PPP6R2: variants seen among roughly 807,000 people sequenced by gnomAD.
PPP6R2 encodes the protein protein phosphatase 6 regulatory subunit 2.
A neutral mutation model predicts 100.2 loss-of-function variants in PPP6R2; 62 were observed. That is an observed-to-expected ratio of 0.62 (90% CI 0.50 to 0.76). PPP6R2 has a LOEUF of 0.76. Among genes scored for constraint, PPP6R2 ranks in the 30% least tolerant of loss-of-function variants. The pLI is 0.00. For synonymous variants in PPP6R2, 525 were observed against 514.7 expected (o/e 1.02, Z -0.27); for missense variants, 1,142 against 1,276.3 (o/e 0.89, Z 1.60).
intron 2 of PPP6R2, among the ~76,000 whole-genome samples, chr22:50,375,905 A>G (rs1336903039): frequency 7.4e-6 from 1 of 135,042 alleles, no homozygotes; most frequent in East Asian, 2.2e-4. Flanking sequence ...CAGTAGCACA[A>G]TCTCGGTTCA....
At chr22:50,367,887 C>T (rs1404323553) in intron 1 of PPP6R2, among the ~76,000 whole-genome samples, 9 of 152,072 alleles carry the variant, frequency 5.9e-5, no homozygotes, top group Non-Finnish European at 1.2e-4. Flanking sequence ...GTAGTGGCCC[C>T]GAATGCCTGG....
At chr22:50,400,988 T>C (rs562676206) in intron 3 of PPP6R2, among the ~76,000 whole-genome samples, 62 of 152,346 alleles carry the variant, frequency 4.1e-4, no homozygotes, top group African/African-American at 1.4e-3. Context: ...ACTTTGCCTT[T>C]TTGGCCTACA....
intron 2 of PPP6R2, among the ~76,000 whole-genome samples, chr22:50,390,914 G>C (rs1222101713): frequency 2.7e-5 from 4 of 149,886 alleles, no homozygotes; most frequent in Non-Finnish European, 1.5e-5. Context: ...CAGGAGAATC[G>C]CTTGACCCCA....
upstream of PPP6R2, chr22:50,343,192 A>T (rs959951313): frequency 4.6e-5 from 7 of 151,658 alleles, no homozygotes; most frequent in Admixed American, 1.3e-4. Flanking sequence ...GGTTTCACCG[A>T]GTGCCCCACT....
At chr22:50,348,740 G>C (rs940263932) in intron 1 of PPP6R2, among the ~76,000 whole-genome samples, 2 of 152,254 alleles carry the variant, frequency 1.3e-5, no homozygotes, top group Admixed American at 6.5e-5. Context: ...CATCATGGGG[G>C]CAAGGTATAA....
intron 10 of PPP6R2, among the ~76,000 whole-genome samples, chr22:50,426,833 C>CA (rs71198248): frequency 0.62 from 63,493 of 102,182 alleles, 19,540 homozygotes; most frequent in East Asian, 0.82. Context: ...GATTCTGTTT[C>CA]AAAAAAAAAA....
upstream of PPP6R2, among the ~76,000 whole-genome samples, chr22:50,341,229 A>G (rs1355428646): frequency 6.7e-6 from 1 of 149,798 alleles, no homozygotes; most frequent in Non-Finnish European, 1.5e-5. Context: ...TTTTTGAGAC[A>G]TGGTCTTGTT....
chr22:50,351,941 A>C (rs973597475), intron 1 of PPP6R2, among the ~76,000 whole-genome samples: 6 of 152,090 alleles, frequency 3.9e-5, no homozygotes, highest in Non-Finnish European at 8.8e-5. Context: ...CTACAGGTGC[A>C]CACCACCATG....
rs894327095 is a variant in PPP6R2 at position 50,434,905 on chromosome 22, G to C, written c.1401-61G>C. 9.5e-6 allele frequency: 14 copies of C among 1,470,970 alleles called. No homozygotes were observed. In the South Asian group the frequency reaches 1.7e-4, roughly 18 times the overall value. 91.1% of individuals were successfully genotyped at this position (1,470,970 alleles called of 1,614,324 possible). ...GAGGCCTCTGCCACTTGGCTCTCTG[G>C]GTCGTGGGTCTGGCAAGGTCGGGGC... On this transcript the variant is annotated intron_variant, in intron 12 of 23. Transcript: ENST00000612753.
intron 2 of PPP6R2, among the ~76,000 whole-genome samples, chr22:50,374,869 ACG>A (rs1461540465): frequency 6.9e-6 from 1 of 144,616 alleles, no homozygotes; most frequent in African/African-American, 2.6e-5. Flanking sequence ...AGCCAAGATC[ACG>A]CTACTGCGCT....
intron 21 of PPP6R2, 43 bp from the exon 22 acceptor site, chr22:50,440,779 C>T (rs904340199): frequency 1.2e-6 from 2 of 1,601,216 alleles, no homozygotes; most frequent in African/African-American, 2.7e-5. Context: ...CACCCTGTGA[C>T]CCCTCCTGCC....
At chr22:50,349,195 C>CAAA (rs892504600) in intron 1 of PPP6R2, among the ~76,000 whole-genome samples, 39 of 61,620 alleles carry the variant, frequency 6.3e-4, no homozygotes, top group East Asian at 2.4e-3. Context: ...GACTTCCTCT[C>CAAA]AAAAAAAAAA....
At chr22:50,378,450 G>A (rs1030418383) in intron 2 of PPP6R2, among the ~76,000 whole-genome samples, 1 of 152,086 alleles carries the variant, frequency 6.6e-6, no homozygotes, top group Non-Finnish European at 1.5e-5. Flanking sequence ...GCCAGACGTG[G>A]TGGTGCATGC....
chr22:50,333,923 C>T, the PPP6R2 span, among the ~76,000 whole-genome samples: 1 of 152,332 alleles, frequency 6.6e-6, no homozygotes, highest in African/African-American at 2.4e-5. Context: ...ACGCGAGTCA[C>T]GTGTCCATGG....
chr22:50,356,478 TG>T (rs994573835), intron 1 of PPP6R2, among the ~76,000 whole-genome samples: 3 of 152,078 alleles, frequency 2.0e-5, no homozygotes, highest in Non-Finnish European at 4.4e-5. Flanking sequence ...AATTTTTTTT[TG>T]TATTTTTAGT....
At chr22:50,398,028 A>G (rs998872777) in intron 3 of PPP6R2, among the ~76,000 whole-genome samples, 3 of 152,106 alleles carry the variant, frequency 2.0e-5, no homozygotes, top group Non-Finnish European at 4.4e-5. Flanking sequence ...ACGTGCACAT[A>G]TCACTTGTAT....
chr22:50,432,328 C>T lies in PPP6R2; in HGVS notation c.1399C>T (p.Gln467Ter). 3 of 1,548,948 alleles carry T rather than the reference C, an allele frequency of 1.9e-6. No individual in the cohort carries two copies. Among genetic ancestry groups the T allele is most frequent in the Non-Finnish European group, 2.6e-6 (3 of 1,146,814 alleles). Residue 467 changes from glutamine (Q) to a stop codon, truncating the protein, a stop_gained and splice_region_variant, in exon 12 of 24, where the codon CAG (glutamine) becomes TAG (stop). Coordinates refer to ENST00000612753, the MANE Select transcript of PPP6R2 (RefSeq NM_001242898.2). LOFTEE classifies it high-confidence loss of function. ...LEAWEANDHT[Q>*]AAGGMRRGNM... is the part of the protein sequence containing the mutation. Reference sequence around the variant, plus strand: ...GGCCTGGGAAGCCAACGACCACACGCAGTAAGAGCCGCTCGGACGTGGAGG... The same window carrying T: ...GGCCTGGGAAGCCAACGACCACACGTAGTAAGAGCCGCTCGGACGTGGAGG...
At chr22:50,333,438 G>A in the PPP6R2 span, among the ~76,000 whole-genome samples, 58 of 151,472 alleles carry the variant, frequency 3.8e-4, no homozygotes, top group African/African-American at 1.3e-3. Context: ...CCGGGTTCAC[G>A]CCATTCTCCT....
chr22:50,383,923 C>G (rs888034710), intron 2 of PPP6R2, among the ~76,000 whole-genome samples: 3 of 151,438 alleles, frequency 2.0e-5, no homozygotes, highest in Non-Finnish European at 4.4e-5. Flanking sequence ...GTAATCCAAG[C>G]TACTTGGGAG....
Sources: gnomAD v4.1 joint callset for allele counts (sites outside exome capture counted in the v4.1 genomes callset) on GRCh38, gnomAD v4.1.1 for gene constraint, MANE v1.5 for transcripts, NCBI Gene and HGNC (gene_info 2026-07-23, HGNC 2026-07-21) for gene names.